The following PDE11A variants were observed in gnomAD, a reference collection of about 807,000 sequenced individuals.
The protein encoded by PDE11A is dual 3',5'-cyclic-AMP and -GMP phosphodiesterase 11A.
Under a neutral mutation model 100.5 loss-of-function variants are expected in PDE11A, and 100 were observed. The ratio of observed to expected loss-of-function variants is 1.00; its 90% CI spans 0.85 to 1.18. The LOEUF (loss-of-function observed/expected upper bound fraction) is 1.18. PDE11A is among the 50% of genes most tolerant of loss of function. PDE11A has a pLI of 0.00. For missense variants in PDE11A, 1,141 were observed against 1,152.6 expected (o/e 0.99, Z 0.15); for synonymous variants, 381 against 420.8 (o/e 0.91, Z 1.16).
At chr2:178,026,518 G>A (rs1043703084) in intron 1 of PDE11A, among the ~76,000 whole-genome samples, 1 of 151,926 alleles carries the variant, frequency 6.6e-6, no homozygotes, top group African/African-American at 2.4e-5. Context: ...AAAATTAGCT[G>A]GGCGTGATGG....
At chr2:177,835,748 C>T (rs1308384571) in intron 6 of PDE11A, among the ~76,000 whole-genome samples, 17 of 152,314 alleles carry the variant, frequency 1.1e-4, no homozygotes, top group South Asian at 6.2e-4. Flanking sequence ...GCGTGGGCTC[C>T]GCGGGCCCTG....
intron 1 of PDE11A, 93 bp from the exon 2 acceptor site, chr2:178,014,553 C>A (rs762932592): frequency 1.5e-4 from 138 of 930,688 alleles, no homozygotes; most frequent in Non-Finnish European, 2.3e-4. Flanking sequence ...TACCTTATCA[C>A]TGGGAACTAG....
chr2:178,047,746 G>C (rs940645521), intron 1 of PDE11A, among the ~76,000 whole-genome samples: 2 of 152,066 alleles, frequency 1.3e-5, no homozygotes, highest in African/African-American at 4.8e-5. Context: ...ATTTTGTAAG[G>C]TTTCTCCTCT....
Position 178,071,693 on chromosome 2 carries a change from C to T in PDE11A, c.745G>A (p.Gly249Ser). ...SLFLVEGAAA[G>S]KKTLVSKFFD... ...AATTTGGAGACCAAGGTCTTCTTGC[C>T]AGCAGCTGCCCCTTCCACCAGGAAA... The change falls in exon 1 of 20, where the codon GGC becomes AGC. Residue 249 changes from glycine (G) to serine (S), a missense_variant. Transcript: ENST00000286063. 1 of 1,613,838 alleles carries T rather than the reference C, an allele frequency of 6.2e-7. No individual in the cohort carries two copies.
At position 177,660,254 on chromosome 2, in the gene PDE11A, CAT is replaced by C. The variant is rs565425279; in HGVS notation, c.2646+3610_2646+3611del. Among the ~76,000 whole-genome samples, 156 of 151,944 alleles carry C rather than the reference CAT, an allele frequency of 1.0e-3. 1 individual carries two copies. The highest frequency in any genetic ancestry group is 1.8e-3 in the Non-Finnish European group (123 of 67,982). ...AGAGAACTCTATGCTCACATATAAA[CAT>C]ATGGATATAAGCCTGGCCTACATCC... On this transcript the variant is annotated intron_variant, in intron 19 of 19. Coordinates refer to ENST00000286063, the MANE Select transcript of PDE11A (RefSeq NM_016953.4).
chr2:177,912,761 GT>G (rs2084900913), intron 2 of PDE11A, among the ~76,000 whole-genome samples: 1 of 152,092 alleles, frequency 6.6e-6, no homozygotes, highest in Non-Finnish European at 1.5e-5. Context: ...ATATATTCAA[GT>G]TTTCTTCTCT....
At chr2:177,847,910 C>A (rs572164617) in intron 5 of PDE11A, among the ~76,000 whole-genome samples, 26 of 152,256 alleles carry the variant, frequency 1.7e-4, no homozygotes, top group African/African-American at 6.3e-4. Flanking sequence ...TACTCATGTA[C>A]CAACTCATTC....
intron 1 of PDE11A, among the ~76,000 whole-genome samples, chr2:178,037,527 AC>A (rs1350509220): frequency 6.6e-6 from 1 of 152,206 alleles, no homozygotes; most frequent in Non-Finnish European, 1.5e-5. Flanking sequence ...CTGGGTATAT[AC>A]CCAAAGGATT....
intron 10 of PDE11A, among the ~76,000 whole-genome samples, chr2:177,760,633 G>A (rs2082155168): frequency 6.6e-6 from 1 of 152,056 alleles, no homozygotes; most frequent in African/African-American, 2.4e-5. Flanking sequence ...GCTTTGTTTT[G>A]CAGATGAGGA....
At chr2:177,916,022 T>C (rs1216619402) in intron 2 of PDE11A, among the ~76,000 whole-genome samples, 3 of 152,224 alleles carry the variant, frequency 2.0e-5, no homozygotes, top group Non-Finnish European at 4.4e-5. Flanking sequence ...AATACACCTA[T>C]AATACATTCT....
At chr2:177,733,435 G>A (rs1293640900) in intron 10 of PDE11A, among the ~76,000 whole-genome samples, 1 of 152,178 alleles carries the variant, frequency 6.6e-6, no homozygotes, top group Non-Finnish European at 1.5e-5. Context: ...TAACAGTTAA[G>A]TGGTTATCAA....
chr2:178,089,517 A>G (rs887343803), intron 2 of PDE11A, among the ~76,000 whole-genome samples: 1 of 152,196 alleles, frequency 6.6e-6, no homozygotes, highest in African/African-American at 2.4e-5. Context: ...AGGCCAGAGG[A>G]TTAGATATCA....
At chr2:177,634,657 G>A (rs140616577) in intron 19 of PDE11A, among the ~76,000 whole-genome samples, 2,313 of 152,130 alleles carry the variant, frequency 0.015, 28 homozygotes, top group Non-Finnish European at 0.023. Flanking sequence ...CAAAGTGCTG[G>A]GATTACAGGC....
intron 2 of PDE11A, among the ~76,000 whole-genome samples, chr2:177,973,306 G>C (rs577322079): frequency 7.1e-5 from 8 of 113,284 alleles, no homozygotes; most frequent in African/African-American, 1.8e-4. Flanking sequence ...TTCCCTTTCC[G>C]AGTCAAAGAA....
intron 9 of PDE11A, among the ~76,000 whole-genome samples, chr2:177,795,976 T>TATA (rs60572700): frequency 7.3e-6 from 1 of 137,894 alleles, no homozygotes; most frequent in Non-Finnish European, 1.6e-5. Context: ...TATATATATA[T>TATA]CTTTGCTTTA....
At chr2:177,658,003 C>T (rs1421668564) in intron 19 of PDE11A, among the ~76,000 whole-genome samples, 2 of 152,142 alleles carry the variant, frequency 1.3e-5, no homozygotes, top group East Asian at 1.9e-4. Flanking sequence ...GAGGCTGCCA[C>T]AAGGACCACA....
rs537481621 is a variant in PDE11A at position 177,685,433 on chromosome 2, C to T, written c.2346-4530G>A. Among the ~76,000 whole-genome samples the T allele has an allele frequency of 3.9e-5, 6 of 152,276 alleles. 1 individual carries two copies. The South Asian group carries it at 8.3e-4, about 21-fold the overall frequency. On this transcript the variant is annotated intron_variant, in intron 15 of 19. Coordinates refer to ENST00000286063, the MANE Select transcript of PDE11A (RefSeq NM_016953.4). ...CAATATCTGACTCACCTTCCACTAA[C>T]GATTGTTATATCTGCCCATAGTATG...
chr2:177,709,174 GGCTAA>G (rs1235527681), intron 13 of PDE11A, among the ~76,000 whole-genome samples: 2 of 152,156 alleles, frequency 1.3e-5, no homozygotes, highest in Admixed American at 1.3e-4. Flanking sequence ...GGCCCGAAGG[GGCTAA>G]GCTAAGGAAC....
At chr2:177,828,772 G>A (rs2083264899) in intron 6 of PDE11A, among the ~76,000 whole-genome samples, 1 of 152,192 alleles carries the variant, frequency 6.6e-6, no homozygotes, top group Non-Finnish European at 1.5e-5. Context: ...GTGGATGATA[G>A]GGTGCCAGAT....
Sources: allele counts gnomAD v4.1 joint callset (sites outside exome capture counted in the v4.1 genomes callset), GRCh38; gene constraint gnomAD v4.1.1; transcripts MANE v1.5; gene names NCBI Gene and HGNC (gene_info 2026-07-23, HGNC 2026-07-21).